ERBB4: variants seen among roughly 807,000 people sequenced by gnomAD.
ERBB4 encodes the protein receptor tyrosine-protein kinase erbB-4.
ERBB4 carries 42 observed loss-of-function variants against 158.0 expected under a neutral mutation model. That is an observed-to-expected ratio of 0.27 (90% CI 0.21 to 0.34). The LOEUF (loss-of-function observed/expected upper bound fraction) is 0.34, where lower values mean the gene tolerates loss of function less well. Among genes scored for constraint, ERBB4 ranks in the 10% least tolerant of loss-of-function variants. The pLI is 1.00. For synonymous variants in ERBB4, 583 were observed against 558.7 expected (o/e 1.04, Z -0.61); for missense variants, 1,333 against 1,624.1 (o/e 0.82, Z 3.08).
At chr2:212,000,756 T>G (rs1316260866) in intron 2 of ERBB4, among the ~76,000 whole-genome samples, 1 of 151,876 alleles carries the variant, frequency 6.6e-6, no homozygotes, top group Non-Finnish European at 1.5e-5. Context: ...TATAATTAGA[T>G]AGAATCATGT....
chr2:211,810,621 C>G (rs34240313), intron 3 of ERBB4, among the ~76,000 whole-genome samples: 21,365 of 149,246 alleles, frequency 0.14, 1,628 homozygotes, highest in Middle Eastern at 0.23. Flanking sequence ...ATACAACACA[C>G]TGATGGGTCT....
At chr2:211,614,189 G>A (rs2069299764) in intron 19 of ERBB4, among the ~76,000 whole-genome samples, 1 of 152,036 alleles carries the variant, frequency 6.6e-6, no homozygotes, top group Non-Finnish European at 1.5e-5. Context: ...AACATCATCT[G>A]TTCTCATTTA....
At chr2:212,380,826 T>A (rs1468271982) in intron 1 of ERBB4, among the ~76,000 whole-genome samples, 1 of 151,214 alleles carries the variant, frequency 6.6e-6, no homozygotes, top group Non-Finnish European at 1.5e-5. Context: ...AATTAGAGAT[T>A]AAATCAAGTA....
At chr2:212,118,603 A>G (rs1191623947) in intron 2 of ERBB4, among the ~76,000 whole-genome samples, 4 of 152,154 alleles carry the variant, frequency 2.6e-5, no homozygotes, top group Admixed American at 6.5e-5. Context: ...ACAATTCCAT[A>G]GCATTATAAA....
intron 3 of ERBB4, among the ~76,000 whole-genome samples, chr2:211,799,873 C>A (rs1402114795): frequency 6.6e-6 from 1 of 152,078 alleles, no homozygotes; most frequent in African/African-American, 2.4e-5. Context: ...GTCATAAATA[C>A]CCTTTTCAGA....
At chr2:211,915,187 T>C (rs993504542) in intron 3 of ERBB4, among the ~76,000 whole-genome samples, 1 of 152,104 alleles carries the variant, frequency 6.6e-6, no homozygotes, top group Non-Finnish European at 1.5e-5. Context: ...ATACTTGAGG[T>C]TCTAATATTA....
intron 1 of ERBB4, among the ~76,000 whole-genome samples, chr2:212,226,235 G>A (rs769576712): frequency 2.6e-5 from 4 of 152,112 alleles, no homozygotes; most frequent in Non-Finnish European, 4.4e-5. Flanking sequence ...TCCTACAGCT[G>A]CAAGAAGCTG....
intron 1 of ERBB4, among the ~76,000 whole-genome samples, chr2:212,287,080 C>T (rs1467666948): frequency 6.6e-6 from 1 of 151,890 alleles, no homozygotes; most frequent in Admixed American, 6.6e-5. Context: ...GCCCAAATGG[C>T]ACAACCTCGA....
At chr2:211,510,616 C>T (rs769046372) in intron 20 of ERBB4, among the ~76,000 whole-genome samples, 8 of 152,106 alleles carry the variant, frequency 5.3e-5, no homozygotes, top group Admixed American at 1.3e-4. Flanking sequence ...TGGATCTTTT[C>T]AGATGTGATT....
At chr2:211,399,032 G>A (rs368219090) in intron 25 of ERBB4, among the ~76,000 whole-genome samples, 3 of 152,094 alleles carry the variant, frequency 2.0e-5, no homozygotes, top group Non-Finnish European at 4.4e-5. Flanking sequence ...TCTCACCTCC[G>A]ACCTCTGTCC....
At chr2:212,303,909 C>T (rs972682201) in intron 1 of ERBB4, among the ~76,000 whole-genome samples, 2 of 151,370 alleles carry the variant, frequency 1.3e-5, no homozygotes, top group South Asian at 4.1e-4. Flanking sequence ...AAAGTAGGAA[C>T]AATGGAAACA....
At chr2:211,705,982 T>C (rs2073424544) in intron 9 of ERBB4, among the ~76,000 whole-genome samples, 1 of 152,188 alleles carries the variant, frequency 6.6e-6, no homozygotes, top group African/African-American at 2.4e-5. Context: ...TCTAGCTTAT[T>C]CATATTCACG....
chr2:212,294,532 T>C (rs890962324), intron 1 of ERBB4, among the ~76,000 whole-genome samples: 1 of 152,052 alleles, frequency 6.6e-6, no homozygotes, highest in Non-Finnish European at 1.5e-5. Context: ...CTGTAAATTA[T>C]AATTCTTACT....
At chr2:212,378,626 C>T (rs558215207) in intron 1 of ERBB4, among the ~76,000 whole-genome samples, 11 of 151,788 alleles carry the variant, frequency 7.2e-5, no homozygotes, top group South Asian at 2.1e-4. Flanking sequence ...CAAATTCACT[C>T]GCAACTAAAT....
intron 1 of ERBB4, among the ~76,000 whole-genome samples, chr2:212,180,551 AT>A (rs1362666277): frequency 1.3e-5 from 2 of 151,634 alleles, no homozygotes; most frequent in Non-Finnish European, 3.0e-5. Flanking sequence ...CCCATTACAG[AT>A]TTCTTATTCT....
chr2:211,399,551 T>G (rs2062990473), intron 25 of ERBB4, among the ~76,000 whole-genome samples: 1 of 152,196 alleles, frequency 6.6e-6, no homozygotes, highest in Non-Finnish European at 1.5e-5. Context: ...GACTATTATA[T>G]CTCATCTAGT....
intron 5 of ERBB4, among the ~76,000 whole-genome samples, chr2:211,742,512 T>G (rs1173046802): frequency 6.6e-6 from 1 of 152,162 alleles, no homozygotes; most frequent in Non-Finnish European, 1.5e-5. Context: ...CCAGATATAC[T>G]TTTGAATAAA....
chr2:211,936,391 C>T (rs2080322310), intron 3 of ERBB4, among the ~76,000 whole-genome samples: 1 of 151,594 alleles, frequency 6.6e-6, no homozygotes, highest in Admixed American at 6.6e-5. Flanking sequence ...AAATTGAATG[C>T]TCTTAGAAGG....
chr2:211,442,561 T>C (rs2064006764), intron 20 of ERBB4, among the ~76,000 whole-genome samples: 1 of 152,044 alleles, frequency 6.6e-6, no homozygotes, highest in South Asian at 2.1e-4. Context: ...TATAACAAAT[T>C]ACCCAATGCT....
Sources: gnomAD v4.1 joint callset for allele counts (sites outside exome capture counted in the v4.1 genomes callset) on GRCh38, gnomAD v4.1.1 for gene constraint, MANE v1.5 for transcripts, NCBI Gene and HGNC (gene_info 2026-07-23, HGNC 2026-07-21) for gene names.